ERP44: variants seen among roughly 807,000 people sequenced by gnomAD.
The protein encoded by ERP44 is endoplasmic reticulum protein 44, also known as endoplasmic reticulum resident protein 44.
Under a neutral mutation model 53.4 loss-of-function variants are expected in ERP44, and 25 were observed. The ratio of observed to expected loss-of-function variants is 0.47; its 90% CI spans 0.34 to 0.65. The LOEUF is 0.65. Ranked by LOEUF, ERP44 falls within the 30% of genes least tolerant of loss-of-function variation. The pLI is 0.01. For synonymous variants in ERP44, 145 were observed against 161.2 expected, an observed-to-expected ratio of 0.90 and a Z score of 0.76; for missense variants, 338 against 493.2, an observed-to-expected ratio of 0.69 and a Z score of 2.98.
At chr9:100,051,801 A>T (rs1193587758) in intron 4 of ERP44, among the ~76,000 whole-genome samples, 1 of 152,204 alleles carries the variant, frequency 6.6e-6, no homozygotes, top group East Asian at 1.9e-4. Flanking sequence ...ACGAAAAACC[A>T]TGAGGATTTT....
At chr9:100,078,455 CAAA>C (rs61442605) in intron 1 of ERP44, among the ~76,000 whole-genome samples, 1 of 114,708 alleles carries the variant, frequency 8.7e-6, no homozygotes, top group Admixed American at 9.0e-5. Context: ...AAGACTCTAT[CAAA>C]AAAAAAAAAA....
chr9:99,991,500 G>A (rs71592880), intron 10 of ERP44, among the ~76,000 whole-genome samples: 1 of 152,156 alleles, frequency 6.6e-6, no homozygotes, highest in Non-Finnish European at 1.5e-5. Context: ...GGGTCTCTGG[G>A]AAACATTTAA....
chr9:100,063,075 C>CAAAAAAAAAAAAAAAA (rs58004954), intron 1 of ERP44, among the ~76,000 whole-genome samples: 1,640 of 39,962 alleles, frequency 0.041, 479 homozygotes, highest in African/African-American at 0.12. Context: ...CCCTGTCTCA[C>CAAAAAAAAAAAAAAAA]AAAAAAAAAA....
At chr9:100,055,718 C>T (rs1056337330) in intron 3 of ERP44, among the ~76,000 whole-genome samples, 3 of 152,090 alleles carry the variant, frequency 2.0e-5, no homozygotes, top group Non-Finnish European at 4.4e-5. Flanking sequence ...TCTCATGTGC[C>T]CCATAAATAT....
At chr9:100,019,152 T>C (rs1340392788) in intron 6 of ERP44, among the ~76,000 whole-genome samples, 2 of 152,212 alleles carry the variant, frequency 1.3e-5, no homozygotes, top group Non-Finnish European at 2.9e-5. Context: ...GTAGTGCTAC[T>C]TTAAATAAAG....
At chr9:100,019,739 C>T (rs1399171926) in intron 6 of ERP44, among the ~76,000 whole-genome samples, 1 of 151,470 alleles carries the variant, frequency 6.6e-6, no homozygotes, top group Admixed American at 6.6e-5. Flanking sequence ...TAAGTGTTGA[C>T]ACAGCAAAAA....
intron 8 of ERP44, among the ~76,000 whole-genome samples, chr9:100,014,833 G>A (rs1037955804): frequency 2.0e-5 from 3 of 152,248 alleles, no homozygotes; most frequent in South Asian, 2.1e-4. Context: ...CTCTCTCTTA[G>A]TTTGGGCTGC....
chr9:100,017,908 G>A (rs925586960), intron 7 of ERP44, among the ~76,000 whole-genome samples: 1 of 152,176 alleles, frequency 6.6e-6, no homozygotes, highest in African/African-American at 2.4e-5. Flanking sequence ...ACGGGTAGAA[G>A]TGACAATCAC....
chr9:99,997,841 C>T (rs1368146884), intron 10 of ERP44, among the ~76,000 whole-genome samples: 1 of 152,042 alleles, frequency 6.6e-6, no homozygotes, highest in Non-Finnish European at 1.5e-5. Context: ...AAGGTTGTAA[C>T]AAACAAGAAC....
chr9:100,044,099 AATG>A (rs1467063155), intron 4 of ERP44, among the ~76,000 whole-genome samples: 2 of 152,310 alleles, frequency 1.3e-5, no homozygotes, highest in Admixed American at 1.3e-4. Context: ...CCTTACGATC[AATG>A]ATGAGTTAGA....
intron 1 of ERP44, among the ~76,000 whole-genome samples, chr9:100,096,173 G>C (rs943159705): frequency 6.6e-6 from 1 of 152,068 alleles, no homozygotes; most frequent in Non-Finnish European, 1.5e-5. Context: ...GGGTGCATGA[G>C]ACAACTTCTT....
At chr9:99,983,573 AAAG>A (rs1345191437) in intron 11 of ERP44, among the ~76,000 whole-genome samples, 4 of 151,160 alleles carry the variant, frequency 2.6e-5, no homozygotes, top group African/African-American at 4.9e-5. Flanking sequence ...AAAAAAAAAA[AAAG>A]AAAAGGCAGT....
chr9:99,990,540 G>A (rs1451482782), intron 10 of ERP44, among the ~76,000 whole-genome samples: 3 of 152,192 alleles, frequency 2.0e-5, no homozygotes, highest in South Asian at 2.1e-4. Flanking sequence ...GGAACAACCA[G>A]TACCAGCCAC....
At chr9:100,016,659 G>A (rs549500800) in intron 7 of ERP44, among the ~76,000 whole-genome samples, 2 of 152,110 alleles carry the variant, frequency 1.3e-5, no homozygotes, top group East Asian at 3.9e-4. Context: ...ATGCCACCAC[G>A]CCAAGCTAAT....
chr9:100,004,351 G>C (rs1582217), intron 10 of ERP44, among the ~76,000 whole-genome samples: 7,602 of 152,278 alleles, frequency 0.05, 611 homozygotes, highest in African/African-American at 0.16. Context: ...AGCTGGTCTG[G>C]AGCCTGAAGC....
At chr9:100,038,222 A>G (rs544074789) in intron 4 of ERP44, among the ~76,000 whole-genome samples, 77 of 152,196 alleles carry the variant, frequency 5.1e-4, no homozygotes, top group Non-Finnish European at 1.0e-3. Flanking sequence ...TATAACACTA[A>G]TTGCGGTGTG....
At chr9:100,052,370 G>A in intron 4 of ERP44, 47 bp downstream of exon 4, 1 of 922,906 alleles carries the variant, frequency 1.1e-6, no homozygotes, top group Non-Finnish European at 1.6e-6. Flanking sequence ...GTGTGCCTGT[G>A]TTTGGGATGG....
intron 1 of ERP44, among the ~76,000 whole-genome samples, chr9:100,061,581 C>CGTATATATTTATAGAAAT (rs1826150054): frequency 7.9e-6 from 1 of 126,680 alleles, no homozygotes; most frequent in Non-Finnish European, 1.6e-5. Context: ...TTTATAGAAA[C>CGTATATATTTATAGAAAT]GTATATATTT....
At chr9:100,000,729 C>A (rs1190820396) in intron 10 of ERP44, among the ~76,000 whole-genome samples, 1 of 152,006 alleles carries the variant, frequency 6.6e-6, no homozygotes, top group Non-Finnish European at 1.5e-5. Flanking sequence ...TCTCCTCTTT[C>A]ATTTCTTATT....
Sources: gnomAD v4.1 joint callset for allele counts (sites outside exome capture counted in the v4.1 genomes callset) on GRCh38, gnomAD v4.1.1 for gene constraint, MANE v1.5 for transcripts, NCBI Gene and HGNC (gene_info 2026-07-23, HGNC 2026-07-21) for gene names.